The following SPARCL1 variants were observed in gnomAD, a reference collection of about 807,000 sequenced individuals.
SPARCL1 encodes the protein SPARC like 1.
Under a neutral mutation model 67.1 loss-of-function variants are expected in SPARCL1, and 52 were observed. That is an observed-to-expected ratio of 0.78 (90% CI 0.62 to 0.98). The LOEUF (loss-of-function observed/expected upper bound fraction) is 0.98. Among genes scored for constraint, SPARCL1 ranks in the 50% least tolerant of loss-of-function variants. The pLI is 0.00. For missense variants in SPARCL1, 717 were observed against 782.4 expected, an observed-to-expected ratio of 0.92 and a Z score of 1.00; for synonymous variants, 226 against 267.8, an observed-to-expected ratio of 0.84 and a Z score of 1.52.
intron 1 of SPARCL1, among the ~76,000 whole-genome samples, chr4:87,507,836 G>A (rs1276335028): frequency 6.6e-6 from 1 of 152,196 alleles, no homozygotes; most frequent in African/African-American, 2.4e-5. Context: ...GGGCTTCCAT[G>A]ACTCCCTCTT....
chr4:87,492,005 T>C (rs1407162973), intron 4 of SPARCL1, among the ~76,000 whole-genome samples: 1 of 142,140 alleles, frequency 7.0e-6, no homozygotes, highest in Non-Finnish European at 1.5e-5. Flanking sequence ...GTGGTCCCGG[T>C]TACTCAGGAA....
chr4:87,492,773 A>G (rs1448559856), intron 4 of SPARCL1, among the ~76,000 whole-genome samples: 2 of 109,960 alleles, frequency 1.8e-5, no homozygotes, highest in Non-Finnish European at 1.7e-5. Context: ...AATCTGTGCC[A>G]AGTCCTGCTG....
chr4:87,495,130 GA>G lies in SPARCL1; in HGVS notation c.55-4del. The G allele has an allele frequency of 6.3e-7, 1 of 1,596,616 alleles. No individual in the cohort carries two copies. The highest frequency in any genetic ancestry group is 1.8e-5 in the Admixed American group (1 of 54,184). ...TCAGATAATAATCTTGCATTTGTCT[GA>G]AAAAATTAAAAACTGGTTTTTGTTA... On this transcript the variant is annotated splice_polypyrimidine_tract_variant and splice_region_variant and intron_variant, in intron 2 of 10. Transcript: ENST00000282470.
At position 87,493,473 on chromosome 4, in the gene SPARCL1, T is replaced by G. The variant is rs746597054; in HGVS notation, c.1218+109A>C. On this transcript the variant is annotated intron_variant, in intron 4 of 10. Coordinates refer to ENST00000282470, the MANE Select transcript of SPARCL1 (RefSeq NM_004684.6). The stretch of plus-strand genomic sequence containing the variant: ...AAATAACTGTAATATATTTTAGTAA[T>G]GTACTAGTAGACATCCATACAGGAC... 210 of 881,626 alleles carry G rather than the reference T, an allele frequency of 2.4e-4. 1 individual carries two copies. The highest frequency in any genetic ancestry group is 3.4e-4 in the Non-Finnish European group (202 of 589,590). The allele number at this position is 881,626 out of a possible 1,614,324, so 54.6% of individuals were successfully genotyped here.
chr4:87,511,961 C>CTCT lies in SPARCL1; in HGVS notation c.-11-12377_-11-12376insAGA, dbSNP rs1268867700. On this transcript the variant is annotated intron_variant, in intron 1 of 10. Transcript: ENST00000282470. ...ATTCCTTTCCTTTCCTTTCCTCTTT[C>CTCT]TTTCTCTTTTTTTTTTTTTTTGAGA... is the stretch of plus-strand genomic sequence containing the variant. Among the ~76,000 whole-genome samples the CTCT allele has an allele frequency of 3.3e-3, 361 of 109,160 alleles. 1 individual carries two copies. The highest frequency in any genetic ancestry group is 4.6e-3 in the Non-Finnish European group (256 of 56,044). The allele number at this position is 109,160 out of a possible 152,430, so 71.6% of individuals were successfully genotyped here.
chr4:87,515,663 A>T (rs931555338), intron 1 of SPARCL1, among the ~76,000 whole-genome samples: 10 of 152,216 alleles, frequency 6.6e-5, no homozygotes, highest in African/African-American at 2.4e-5. Context: ...ATTTTAAAAG[A>T]TGATAGCTAG....
chr4:87,479,643 C>A, intron 9 of SPARCL1, 65 bp from the exon 10 acceptor site: 1 of 1,518,562 alleles, frequency 6.6e-7, no homozygotes, highest in Non-Finnish European at 9.0e-7. Context: ...AACTCTCAGG[C>A]TCACCAAGGA....
rs1289601310 is a variant in SPARCL1 at position 87,505,261 on chromosome 4, C to A, written c.-11-5676G>T. Among the ~76,000 whole-genome samples, 4 of 152,216 alleles carry A rather than the reference C, an allele frequency of 2.6e-5. No individual in the cohort carries two copies. The East Asian group carries it at 5.8e-4, about 22-fold the overall frequency. On this transcript the variant is annotated intron_variant, in intron 1 of 10. Coordinates refer to ENST00000282470, the MANE Select transcript of SPARCL1 (RefSeq NM_004684.6). ...CATTAATTGTATGAATCCTAAATTGCTGCTATCTTTTCCCCTTAAACTACT... is the reference window on the plus strand; with the variant it reads ...CATTAATTGTATGAATCCTAAATTGATGCTATCTTTTCCCCTTAAACTACT...
At chr4:87,490,644 A>C in intron 6 of SPARCL1, 116 bp downstream of exon 6, 1 of 785,178 alleles carries the variant, frequency 1.3e-6, no homozygotes, top group Non-Finnish European at 2.1e-6. Context: ...ATCCCAAATA[A>C]CCAAATGATA....
chr4:87,528,105 G>C (rs1419485650), intron 1 of SPARCL1: 1 of 152,210 alleles, frequency 6.6e-6, no homozygotes, highest in African/African-American at 2.4e-5. Flanking sequence ...CAGTGCAAAA[G>C]AGATACTCTT....
Position 87,490,463 on chromosome 4 carries a change from A to T in SPARCL1, c.1411-70T>A, listed in dbSNP as rs1578099787. 2.0e-6 allele frequency: 3 copies of T among 1,528,190 alleles called. No homozygotes were observed. The East Asian group carries it at 6.8e-5, about 35-fold the overall frequency. The allele number at this position is 1,528,190 out of a possible 1,614,324, so 94.7% of individuals were successfully genotyped here. On this transcript the variant is annotated intron_variant, in intron 6 of 10. Coordinates refer to ENST00000282470, the MANE Select transcript of SPARCL1 (RefSeq NM_004684.6). The stretch of plus-strand genomic sequence containing the variant: ...CACTGGAAGACACTCTGCTCCTTAA[A>T]GCTCATATGCTGATAACAGCGCTGT...
intron 2 of SPARCL1, among the ~76,000 whole-genome samples, chr4:87,495,552 A>G (rs1282162170): frequency 6.6e-6 from 1 of 152,226 alleles, no homozygotes. Context: ...ACCCACCGAT[A>G]ATTAGCAGAA....
chr4:87,486,013 C>A (rs550504191), intron 7 of SPARCL1, among the ~76,000 whole-genome samples: 13 of 152,140 alleles, frequency 8.5e-5, no homozygotes, highest in Admixed American at 8.5e-4. Flanking sequence ...TTTAAAAAAA[C>A]CAGCTCCTAG....
chr4:87,519,368 G>A (rs1725712999), intron 1 of SPARCL1, among the ~76,000 whole-genome samples: 1 of 152,062 alleles, frequency 6.6e-6, no homozygotes, highest in Non-Finnish European at 1.5e-5. Flanking sequence ...CATTGTGTCC[G>A]GCCTGGGTCC....
chr4:87,522,640 A>AC (rs1725866273), intron 1 of SPARCL1, among the ~76,000 whole-genome samples: 5 of 131,808 alleles, frequency 3.8e-5, no homozygotes, highest in Admixed American at 1.6e-4. Context: ...ACCACCACCA[A>AC]ACACACACAC....
chr4:87,501,199 G>A (rs2110237630), intron 1 of SPARCL1, among the ~76,000 whole-genome samples: 1 of 152,246 alleles, frequency 6.6e-6, no homozygotes, highest in South Asian at 2.1e-4. Context: ...CGGAGTTCTT[G>A]CTTCCTTTGG....
At chr4:87,486,488 G>A (rs568698026) in intron 7 of SPARCL1, among the ~76,000 whole-genome samples, 1 of 152,202 alleles carries the variant, frequency 6.6e-6, no homozygotes, top group East Asian at 1.9e-4. Flanking sequence ...CAATTATTTG[G>A]TGAATTTTAG....
chr4:87,481,339 C>G (rs1396344516), intron 8 of SPARCL1, among the ~76,000 whole-genome samples: 1 of 152,168 alleles, frequency 6.6e-6, no homozygotes, highest in Non-Finnish European at 1.5e-5. Flanking sequence ...CAGAAGCGTG[C>G]AAACATCCTC....
intron 7 of SPARCL1, 83 bp downstream of exon 7, chr4:87,490,190 T>A: frequency 7.2e-7 from 1 of 1,389,838 alleles, no homozygotes; most frequent in Non-Finnish European, 9.5e-7. Flanking sequence ...TTTTCCCTGT[T>A]TGCATATAGA....
Sources: allele counts gnomAD v4.1 joint callset (sites outside exome capture counted in the v4.1 genomes callset), GRCh38; gene constraint gnomAD v4.1.1; transcripts MANE v1.5; gene names NCBI Gene and HGNC (gene_info 2026-07-23, HGNC 2026-07-21).